The following SHTN1 variants were observed in gnomAD, a reference collection of about 807,000 sequenced individuals.
SHTN1 encodes shootin-1.
In SHTN1, 42 loss-of-function variants were observed where a neutral mutation model predicts 83.1. The observed-to-expected ratio is 0.51, with a 90% CI of 0.39 to 0.65. The LOEUF is 0.65. SHTN1 is among the 30% of genes least tolerant of loss of function. The pLI, the probability that SHTN1 is intolerant of heterozygous loss-of-function variation, is 0.00. For missense variants in SHTN1, 622 were observed against 737.8 expected (o/e 0.84, Z 1.82); for synonymous variants, 224 against 247.7 (o/e 0.90, Z 0.90).
chr10:117,054,456 AG>A (rs1429406904), intron 1 of SHTN1, among the ~76,000 whole-genome samples: 1 of 143,012 alleles, frequency 7.0e-6, no homozygotes, highest in Non-Finnish European at 1.5e-5. Flanking sequence ...CCCAGGCTGG[AG>A]TGCAGTGGTG....
chr10:117,092,153 CA>C (rs1853439725), intron 1 of SHTN1, among the ~76,000 whole-genome samples: 2 of 152,194 alleles, frequency 1.3e-5, no homozygotes, highest in South Asian at 4.1e-4. Context: ...GATTTGCATT[CA>C]CTATGCCCAA....
At chr10:117,116,003 C>A (rs545388433) in intron 1 of SHTN1, among the ~76,000 whole-genome samples, 12 of 151,786 alleles carry the variant, frequency 7.9e-5, no homozygotes, top group Non-Finnish European at 1.5e-4. Flanking sequence ...AATCATTTCC[C>A]AAGTAACTAG....
chr10:116,981,192 GCC>G (rs907150683), intron 1 of SHTN1, among the ~76,000 whole-genome samples: 3 of 152,140 alleles, frequency 2.0e-5, no homozygotes, highest in African/African-American at 7.2e-5. Context: ...GGTAGCACTT[GCC>G]TGTAGTCCCA....
intron 11 of SHTN1, 65 bp downstream of exon 11, chr10:116,927,727 C>G: frequency 7.0e-7 from 1 of 1,428,632 alleles, no homozygotes; most frequent in Non-Finnish European, 9.2e-7. Flanking sequence ...AAGATGACTC[C>G]TCTTATGGCA....
chr10:116,901,922 A>C lies in SHTN1; in HGVS notation c.1516T>G (p.Ser506Ala). Residue 506 changes from serine (S) to alanine (A), a missense_variant, in exon 16 of 17, where the codon TCC (serine) becomes GCC (alanine). This residue lies in a region of SHTN1 where 231 missense variants were observed against 251.6 expected (regional missense o/e 0.92). Transcript: ENST00000355371. ...TGILATSESK[S>A]MPVLGSVSSV... is the part of the protein sequence containing the mutation. ...GATACAGAACCCAACACTGGCATGG[A>C]TTTGGACTCTGAGGTGGCTAATATC... 1 of 1,604,428 alleles carries C rather than the reference A, an allele frequency of 6.2e-7. No individual in the cohort carries two copies. Among genetic ancestry groups the C allele is most frequent in the South Asian group, 1.1e-5 (1 of 89,032 alleles).
At chr10:117,030,467 T>A (rs1341559022) in intron 2 of SHTN1, among the ~76,000 whole-genome samples, 1 of 152,002 alleles carries the variant, frequency 6.6e-6, no homozygotes, top group African/African-American at 2.4e-5. Flanking sequence ...TCTACAAGTA[T>A]CAAGACCATC....
intron 1 of SHTN1, among the ~76,000 whole-genome samples, chr10:116,991,199 AAAG>A (rs978314541): frequency 3.9e-5 from 6 of 151,940 alleles, no homozygotes; most frequent in African/African-American, 1.4e-4. Context: ...AAAGAAAAAA[AAAG>A]AAGGGCTTCT....
At chr10:116,906,950 G>C (rs565811051) in intron 14 of SHTN1, among the ~76,000 whole-genome samples, 1 of 152,250 alleles carries the variant, frequency 6.6e-6, no homozygotes, top group African/African-American at 2.4e-5. Context: ...TGCTATTGAT[G>C]GTGTAAATGC....
At chr10:116,931,882 A>G (rs1158258245) in intron 9 of SHTN1, among the ~76,000 whole-genome samples, 1 of 152,224 alleles carries the variant, frequency 6.6e-6, no homozygotes, top group Non-Finnish European at 1.5e-5. Context: ...AGCATATGCT[A>G]TTTTTATAAT....
rs182790801 is a variant in SHTN1 at position 116,919,065 on chromosome 10, A to G, written c.1195+2369T>C. ...AACTCTGAATACCTTACCAACTGTA[A>G]GTTAAAAGCCATCATAAGATGCTAA... On this transcript the variant is annotated intron_variant, in intron 12 of 16. Coordinates refer to ENST00000355371, the MANE Select transcript of SHTN1 (RefSeq NM_001127211.3). Among the ~76,000 whole-genome samples the G allele has an allele frequency of 1.5e-3, 230 of 152,340 alleles. 2 individuals carry two copies. Among genetic ancestry groups the G allele is most frequent in the African/African-American group, 5.5e-3 (228 of 41,578 alleles).
chr10:116,964,181 T>C (rs573374416), intron 3 of SHTN1, among the ~76,000 whole-genome samples: 11 of 152,284 alleles, frequency 7.2e-5, no homozygotes, highest in African/African-American at 2.6e-4. Flanking sequence ...TAGAATTGCT[T>C]AGGAAACAAC....
chr10:116,901,623 C>T (rs1378501597), intron 16 of SHTN1, 142 bp downstream of exon 16: 30 of 1,359,830 alleles, frequency 2.2e-5, no homozygotes, highest in Non-Finnish European at 2.5e-5. Context: ...AATGAAAAAG[C>T]TGGCCCATCA....
At chr10:116,937,801 A>G (rs1023952989) in intron 9 of SHTN1, among the ~76,000 whole-genome samples, 1 of 152,094 alleles carries the variant, frequency 6.6e-6, no homozygotes, top group South Asian at 2.1e-4. Context: ...CAGTACACCA[A>G]TCAAACGTAG....
chr10:116,899,505 TGG>T (rs1847643746), intron 16 of SHTN1, among the ~76,000 whole-genome samples: 1 of 101,898 alleles, frequency 9.8e-6, no homozygotes, highest in African/African-American at 5.2e-5. Flanking sequence ...TGGCTGGGGC[TGG>T]TGTGTGTGTG....
chr10:116,900,642 T>C, intron 16 of SHTN1: 1 of 1,514,248 alleles, frequency 6.6e-7, no homozygotes, highest in South Asian at 1.2e-5. Context: ...TGGATATTGG[T>C]TCAAATGTAG....
intron 1 of SHTN1, among the ~76,000 whole-genome samples, chr10:117,048,739 T>C (rs778665754): frequency 6.6e-6 from 1 of 152,314 alleles, no homozygotes; most frequent in South Asian, 2.1e-4. Flanking sequence ...TAATAAAAAG[T>C]AGACATTCTT....
At chr10:117,110,718 G>A (rs1325613536) in intron 1 of SHTN1, among the ~76,000 whole-genome samples, 3 of 152,104 alleles carry the variant, frequency 2.0e-5, no homozygotes, top group Non-Finnish European at 2.9e-5. Context: ...AAGCTGCAGC[G>A]AGGAAGTCTG....
In SHTN1 at chr10:117,079,172, C is replaced by T. The variant is rs547031241; in HGVS notation, c.-188-30662G>A. Among the ~76,000 whole-genome samples, 806 of 136,980 alleles carry T rather than the reference C, an allele frequency of 5.9e-3. 3 individuals carry two copies. Among genetic ancestry groups the T allele is most frequent in the Admixed American group, 0.014 (179 of 13,152 alleles). The allele number at this position is 136,980 out of a possible 152,430, so 89.9% of individuals were successfully genotyped here. ...CTAGCATCAGGTATATCTCCCAATGCTATCCCTCCCCCCCTCCCCCGACCC... is the reference window on the plus strand; with the variant it reads ...CTAGCATCAGGTATATCTCCCAATGTTATCCCTCCCCCCCTCCCCCGACCC... On this transcript the variant is annotated intron_variant, in intron 1 of 17. Transcript: ENST00000392901.
intron 1 of SHTN1, among the ~76,000 whole-genome samples, chr10:117,121,218 T>C (rs1265685813): frequency 6.6e-6 from 1 of 152,202 alleles, no homozygotes; most frequent in Non-Finnish European, 1.5e-5. Flanking sequence ...TCAAAGGAGA[T>C]TACATGTATA....
Sources: gnomAD v4.1 joint callset for allele counts (sites outside exome capture counted in the v4.1 genomes callset) on GRCh38, gnomAD v4.1.1 for gene constraint, gnomAD v4.1.1 regional missense constraint, MANE v1.5 for transcripts, NCBI Gene and HGNC (gene_info 2026-07-23, HGNC 2026-07-21) for gene names.